NPR3: variants seen among roughly 807,000 people sequenced by gnomAD.
NPR3 encodes the protein natriuretic peptide receptor 3.
NPR3 carries 34 observed loss-of-function variants against 54.5 expected under a neutral mutation model. The observed-to-expected ratio is 0.62, with a 90% CI of 0.47 to 0.83. The LOEUF (loss-of-function observed/expected upper bound fraction) is 0.83, where lower values mean the gene tolerates loss of function less well. NPR3 is among the 40% of genes least tolerant of loss of function. NPR3 has a pLI of 0.00. For synonymous variants in NPR3, 289 were observed against 297.1 expected (o/e 0.97, Z 0.28); for missense variants, 674 against 720.8 (o/e 0.94, Z 0.74).
intron 2 of NPR3, among the ~76,000 whole-genome samples, chr5:32,735,769 C>CT (rs1461518586): frequency 1.3e-5 from 2 of 152,214 alleles, no homozygotes; most frequent in Non-Finnish European, 2.9e-5. Flanking sequence ...CCGACCTCTG[C>CT]TTTCCTAATG....
Position 32,780,753 on chromosome 5 carries a change from C to T in NPR3, c.1227C>T (p.Asn409=), listed in dbSNP as rs773454901. 62 of 1,597,150 alleles carry T rather than the reference C, an allele frequency of 3.9e-5. 1 individual carries two copies. In the South Asian group the frequency reaches 5.5e-4, roughly 14 times the overall value. ...GIAGQVSIDA[N]GDRYGDFSVI... ...CCGGGCAGGTGTCCATAGATGCCAA[C>T]GGAGACCGATATGGGGATTTCTCTG... Residue 409 remains asparagine, a synonymous_variant, in exon 5 of 8, where the codon AAC becomes AAT. Transcript: ENST00000265074.
chr5:32,695,331 C>A (rs1017159864), intron 1 of NPR3, among the ~76,000 whole-genome samples: 9 of 152,180 alleles, frequency 5.9e-5, no homozygotes, highest in African/African-American at 2.2e-4. Flanking sequence ...GTGGCACGAT[C>A]TCGGCACACT....
upstream of NPR3, among the ~76,000 whole-genome samples, chr5:32,706,575 A>C (rs1260372652): frequency 6.6e-6 from 1 of 152,194 alleles, no homozygotes; most frequent in Non-Finnish European, 1.5e-5. Flanking sequence ...GTTAGTCAAA[A>C]CTTTGCCTAG....
chr5:32,765,276 G>A (rs1741391904), intron 3 of NPR3, among the ~76,000 whole-genome samples: 2 of 152,282 alleles, frequency 1.3e-5, no homozygotes, highest in East Asian at 1.9e-4. Context: ...TGTGACAAAG[G>A]CCTCTGAGCA....
intron 1 of NPR3, among the ~76,000 whole-genome samples, chr5:32,703,945 C>T (rs536143437): frequency 6.6e-6 from 1 of 152,328 alleles, no homozygotes; most frequent in South Asian, 2.1e-4. Context: ...AATTGCAGTC[C>T]CTGTGGCCTA....
rs181810219 is a variant in NPR3, at chr5:32,732,131, C to T, written c.893-6733C>T. On this transcript the variant is annotated intron_variant, in intron 2 of 7. Transcript: ENST00000265074. Reference sequence around the variant, plus strand: ...TGGCGGGCGCCTGTAGTCCCAGCTACTCGGGAGGCTGAGGCAGGAGAATGG... The same window carrying T: ...TGGCGGGCGCCTGTAGTCCCAGCTATTCGGGAGGCTGAGGCAGGAGAATGG... Among the ~76,000 whole-genome samples, 192 of 151,500 alleles carry T rather than the reference C, an allele frequency of 1.3e-3. 2 individuals are homozygous for T. The highest frequency in any genetic ancestry group is 4.2e-3 in the African/African-American group (175 of 41,320).
intron 4 of NPR3, among the ~76,000 whole-genome samples, chr5:32,775,877 G>GAACT (rs1345552395): frequency 6.6e-6 from 1 of 152,024 alleles, no homozygotes; most frequent in African/African-American, 2.4e-5. Context: ...TAATAACAGG[G>GAACT]AACTATAGGA....
chr5:32,783,929 T>G (rs932995294), intron 6 of NPR3, among the ~76,000 whole-genome samples: 3 of 152,226 alleles, frequency 2.0e-5, no homozygotes, highest in Non-Finnish European at 4.4e-5. Context: ...TACTAAACTC[T>G]AGATACAAGT....
rs183749227 is a variant in NPR3, at chr5:32,775,799, T to C, written c.1195+956T>C. On this transcript the variant is annotated intron_variant, in intron 4 of 7. Transcript: ENST00000265074. ...TTTTAGTAGAGATGGAGTTTCACCA[T>C]GTTGGTCAAGCTGGTCTCAAACTCC... is the stretch of plus-strand genomic sequence containing the variant. 3.2e-3 allele frequency among the ~76,000 whole-genome samples: 483 copies of C among 152,276 alleles called. 3 individuals carry two copies. Among genetic ancestry groups the C allele is most frequent in the African/African-American group, 0.011 (442 of 41,548 alleles).
intron 2 of NPR3, among the ~76,000 whole-genome samples, chr5:32,725,171 C>G (rs1011111823): frequency 3.9e-5 from 6 of 152,124 alleles, no homozygotes; most frequent in Non-Finnish European, 5.9e-5. Context: ...ACGTTCACCA[C>G]CTGGGTGATG....
At chr5:32,721,438 C>T (rs552724719) in intron 1 of NPR3, among the ~76,000 whole-genome samples, 12 of 152,166 alleles carry the variant, frequency 7.9e-5, no homozygotes, top group Middle Eastern at 3.4e-3. Flanking sequence ...CACGGTGGGC[C>T]GATCACTTAG....
chr5:32,784,931 G>T (rs1742532239), intron 7 of NPR3, 48 bp downstream of exon 7: 1 of 1,363,462 alleles, frequency 7.3e-7, no homozygotes, highest in South Asian at 1.2e-5. Context: ...TGCTGTCTTT[G>T]TCATTTGATT....
At chr5:32,782,834 C>A (rs138394877) in intron 5 of NPR3, 59 bp from the exon 6 acceptor site, 3 of 1,502,012 alleles carry the variant, frequency 2.0e-6, no homozygotes, top group Non-Finnish European at 2.7e-6. Context: ...TGGAAGGCTG[C>A]GAGCTTTGTG....
intron 2 of NPR3, among the ~76,000 whole-genome samples, chr5:32,735,479 C>CA (rs10555665): frequency 0.064 from 8,145 of 126,966 alleles, 354 homozygotes; most frequent in African/African-American, 0.14. Context: ...AGAAAAATAC[C>CA]AAAAAAAAAA....
chr5:32,702,029 T>G (rs1737820971), intron 1 of NPR3, among the ~76,000 whole-genome samples: 1 of 152,130 alleles, frequency 6.6e-6, no homozygotes, highest in African/African-American at 2.4e-5. Context: ...ACCACTGCCT[T>G]GCTACCAGTT....
intron 2 of NPR3, among the ~76,000 whole-genome samples, chr5:32,728,239 G>A (rs535590371): frequency 6.6e-6 from 1 of 152,224 alleles, no homozygotes; most frequent in African/African-American, 2.4e-5. Flanking sequence ...GAGGCAGATG[G>A]ATTACCTGAG....
chr5:32,784,949 A>T, intron 7 of NPR3, 66 bp downstream of exon 7: 1 of 1,263,014 alleles, frequency 7.9e-7, no homozygotes, highest in South Asian at 1.2e-5. Context: ...ATTTTACATG[A>T]TTCTCTTTGT....
intron 2 of NPR3, among the ~76,000 whole-genome samples, chr5:32,736,230 CAAAAAA>C (rs56211529): frequency 1.5e-5 from 1 of 65,380 alleles, no homozygotes; most frequent in Non-Finnish European, 3.1e-5. Flanking sequence ...CACTCTGTCT[CAAAAAA>C]AAAAAAAAAA....
chr5:32,732,552 AT>A (rs1739517715), intron 2 of NPR3, among the ~76,000 whole-genome samples: 2 of 152,208 alleles, frequency 1.3e-5, no homozygotes, highest in Non-Finnish European at 2.9e-5. Context: ...AGAAGAGAGC[AT>A]GGATGTAGGA....
Sources: gnomAD v4.1 joint callset for allele counts (sites outside exome capture counted in the v4.1 genomes callset) on GRCh38, gnomAD v4.1.1 for gene constraint, MANE v1.5 for transcripts, NCBI Gene and HGNC (gene_info 2026-07-23, HGNC 2026-07-21) for gene names.